Variants in UBE2QL1 observed in about 807,000 individuals in gnomAD.
UBE2QL1 encodes the protein ubiquitin-conjugating enzyme E2Q-like protein 1.
A neutral mutation model predicts 12.6 loss-of-function variants in UBE2QL1; 5 were observed. The ratio of observed to expected loss-of-function variants is 0.40; its 90% confidence interval spans 0.21 to 0.83. The LOEUF (loss-of-function observed/expected upper bound fraction) is 0.83, where lower values mean the gene tolerates loss of function less well. UBE2QL1 is among the 40% of genes least tolerant of loss of function. The probability of loss-of-function intolerance (pLI) is 0.37; values close to 1 mark genes in which losing one functional copy is unlikely to be tolerated. For missense variants in UBE2QL1, 99 were observed against 222.6 expected, an observed-to-expected ratio of 0.44 and a Z score of 3.53; for synonymous variants, 96 against 94.5, an observed-to-expected ratio of 1.02 and a Z score of -0.10.
intron 1 of UBE2QL1, among the ~76,000 whole-genome samples, chr5:6,461,676 CA>C (rs1712452976): frequency 6.6e-6 from 1 of 152,070 alleles, no homozygotes; most frequent in South Asian, 2.1e-4. Context: ...TTTGTAATAT[CA>C]GCAAATAGAA....
chr5:6,491,319 T>C lies in UBE2QL1; in HGVS notation c.456T>C (p.Gly152=). 2 of 1,551,440 alleles carry C rather than the reference T, an allele frequency of 1.3e-6. No homozygotes were observed. The highest frequency in any genetic ancestry group is 2.7e-5 in the African/African-American group (2 of 73,128). The change falls in exon 2 of 2, where the codon GGT becomes GGC. Residue 152 remains glycine, a synonymous_variant. Coordinates refer to ENST00000399816, the MANE Select transcript of UBE2QL1 (RefSeq NM_001145161.3). Reference sequence around the variant, plus strand: ...TGGTGAAGACGCATGAAAAATATGGTTGGGTCACCCCGCCCGTGTCCGACG... The same window carrying C: ...TGGTGAAGACGCATGAAAAATATGGCTGGGTCACCCCGCCCGTGTCCGACG... ...KSLVKTHEKY[G]WVTPPVSDG
chr5:6,473,660 A>T lies in UBE2QL1; in HGVS notation c.355-17558A>T, dbSNP rs2126354839. 1.3e-5 allele frequency among the ~76,000 whole-genome samples: 2 copies of T among 152,378 alleles called. 1 individual carries two copies. The highest frequency in any genetic ancestry group is 3.8e-4 in the East Asian group (2 of 5,196). ...GCAATTCTAGCATCTACAAATAATG[A>T]GGTCAACAGAAAGTCACATCCCAGT... On this transcript the variant is annotated intron_variant, in intron 1 of 1. Coordinates refer to ENST00000399816, the MANE Select transcript of UBE2QL1 (RefSeq NM_001145161.3).
intron 1 of UBE2QL1, among the ~76,000 whole-genome samples, chr5:6,487,882 T>C (rs556934877): frequency 2.4e-4 from 37 of 152,310 alleles, no homozygotes; most frequent in Admixed American, 1.4e-3. Flanking sequence ...GGGTCCCCCC[T>C]CTTCTTGGTG....
At chr5:6,485,631 T>C (rs1734452384) in intron 1 of UBE2QL1, among the ~76,000 whole-genome samples, 1 of 152,160 alleles carries the variant, frequency 6.6e-6, no homozygotes, top group Non-Finnish European at 1.5e-5. Context: ...CTTCAAAGAC[T>C]TGAAAAACAA....
At chr5:6,472,683 T>A (rs1178264571) in intron 1 of UBE2QL1, among the ~76,000 whole-genome samples, 1 of 152,224 alleles carries the variant, frequency 6.6e-6, no homozygotes, top group East Asian at 1.9e-4. Flanking sequence ...AGGTATTAAT[T>A]TTTTGTGCAA....
intron 1 of UBE2QL1, among the ~76,000 whole-genome samples, chr5:6,454,708 C>G (rs962220520): frequency 6.6e-6 from 1 of 152,098 alleles, no homozygotes; most frequent in African/African-American, 2.4e-5. Context: ...CGGAGGGAAG[C>G]TAGAACAACC....
intron 1 of UBE2QL1, among the ~76,000 whole-genome samples, chr5:6,461,800 C>G (rs553572358): frequency 6.6e-5 from 10 of 152,152 alleles, no homozygotes; most frequent in Admixed American, 6.5e-4. Context: ...GAGATGATTC[C>G]GATCACCCTA....
chr5:6,487,087 A>T (rs1579302956), intron 1 of UBE2QL1, among the ~76,000 whole-genome samples: 1 of 152,320 alleles, frequency 6.6e-6, no homozygotes, highest in East Asian at 1.9e-4. Context: ...AGCACCTAAC[A>T]CATTGAATGA....
Position 6,494,087 on chromosome 5 carries a change from G to A in UBE2QL1, c.*2738G>A, listed in dbSNP as rs941743929. ...AACTCAAACCAAGCCAGAGCCCACA[G>A]AGCCAAACAAACAGAAAATCACAAA... On this transcript the variant is annotated 3_prime_UTR_variant, in exon 2 of 2. Coordinates refer to ENST00000399816, the MANE Select transcript of UBE2QL1 (RefSeq NM_001145161.3). 9 of 152,210 alleles carry A rather than the reference G, an allele frequency of 5.9e-5. No individual in the cohort carries two copies. The highest frequency in any genetic ancestry group is 2.2e-4 in the African/African-American group (9 of 41,440). 9.4% of individuals were successfully genotyped at this position (152,210 alleles called of 1,614,324 possible). A position where few individuals can be genotyped will look rare whatever the true frequency, so the allele number is the denominator to read the frequency against.
At position 6,492,913 on chromosome 5, in the gene UBE2QL1, G is replaced by A. The variant is rs1449436148; in HGVS notation, c.*1564G>A. On this transcript the variant is annotated 3_prime_UTR_variant, in exon 2 of 2. Coordinates refer to ENST00000399816, the MANE Select transcript of UBE2QL1 (RefSeq NM_001145161.3). ...ATTCTTCAGGCAGTTTTGTCTACTT[G>A]GGGACCTGCCCATTGGTTCAAGGTT... The A allele has an allele frequency of 6.6e-6, 1 of 152,240 alleles. No homozygotes were observed. The highest frequency in any genetic ancestry group is 1.5e-5 in the Non-Finnish European group (1 of 68,042). The allele number at this position is 152,240 out of a possible 1,614,324, so 9.4% of individuals were successfully genotyped here.
chr5:6,488,755 G>A (rs182289777), intron 1 of UBE2QL1, among the ~76,000 whole-genome samples: 18 of 151,266 alleles, frequency 1.2e-4, no homozygotes, highest in African/African-American at 4.1e-4. Context: ...AGCTATAATT[G>A]TACCACTGCA....
At chr5:6,477,101 C>T (rs1376948217) in intron 1 of UBE2QL1, among the ~76,000 whole-genome samples, 4 of 152,310 alleles carry the variant, frequency 2.6e-5, no homozygotes, top group East Asian at 1.9e-4. Context: ...CCTACACCAG[C>T]GCCCACACTC....
rs1187228027 is a variant in UBE2QL1, at chr5:6,493,414, G to A, written c.*2065G>A. ...AGGGGGAAAAATATATCCAAAGGCA[G>A]GTCATTTCAGTAGTGTTTATTAGCT... On this transcript the variant is annotated 3_prime_UTR_variant, in exon 2 of 2. Transcript: ENST00000399816. The A allele has an allele frequency of 6.6e-6, 1 of 152,182 alleles. No homozygotes were observed. Among genetic ancestry groups the A allele is most frequent in the Non-Finnish European group, 1.5e-5 (1 of 68,032 alleles). 9.4% of individuals were successfully genotyped at this position (152,182 alleles called of 1,614,324 possible).
At chr5:6,466,061 C>T (rs757781178) in intron 1 of UBE2QL1, among the ~76,000 whole-genome samples, 14 of 152,144 alleles carry the variant, frequency 9.2e-5, no homozygotes, top group Non-Finnish European at 1.8e-4. Context: ...TTCCCTCTGC[C>T]CCTGCCACCC....
chr5:6,469,539 G>A (rs1185933414), intron 1 of UBE2QL1, among the ~76,000 whole-genome samples: 1 of 145,222 alleles, frequency 6.9e-6, no homozygotes, highest in East Asian at 2.0e-4. Flanking sequence ...TATATCCTTA[G>A]ATTATACATA....
At chr5:6,480,877 A>G (rs1002419101) in intron 1 of UBE2QL1, among the ~76,000 whole-genome samples, 9 of 152,106 alleles carry the variant, frequency 5.9e-5, no homozygotes, top group Non-Finnish European at 1.0e-4. Context: ...GAGTGCCGGC[A>G]TTTCCTAATA....
intron 1 of UBE2QL1, among the ~76,000 whole-genome samples, chr5:6,480,814 C>G (rs565425173): frequency 1.4e-4 from 22 of 152,208 alleles, no homozygotes; most frequent in African/African-American, 4.8e-4. Flanking sequence ...TACACGAAAC[C>G]GATGCTGGCT....
intron 1 of UBE2QL1, among the ~76,000 whole-genome samples, chr5:6,474,310 T>A (rs756167): frequency 6.6e-6 from 1 of 152,084 alleles, no homozygotes; most frequent in Non-Finnish European, 1.5e-5. Flanking sequence ...GGCATTGGAG[T>A]GGGGCATGCT....
intron 1 of UBE2QL1, among the ~76,000 whole-genome samples, chr5:6,459,192 A>T (rs1172874897): frequency 6.6e-6 from 1 of 152,128 alleles, no homozygotes; most frequent in Non-Finnish European, 1.5e-5. Context: ...ATGAAACATC[A>T]TTATCTTAGA....
Sources: allele counts gnomAD v4.1 joint callset (sites outside exome capture counted in the v4.1 genomes callset), GRCh38; gene constraint gnomAD v4.1.1; transcripts MANE v1.5; gene names NCBI Gene and HGNC (gene_info 2026-07-23, HGNC 2026-07-21).